The following IQCH variants were observed in gnomAD, a reference collection of about 807,000 sequenced individuals.
IQCH encodes the protein IQ motif containing H.
IQCH carries 98 observed loss-of-function variants against 117.0 expected under a neutral mutation model. The ratio of observed to expected loss-of-function variants is 0.84; its 90% CI spans 0.71 to 0.99. The LOEUF is 0.99. Among genes scored for constraint, IQCH ranks in the 50% least tolerant of loss-of-function variants. IQCH has a pLI of 0.00. For synonymous variants in IQCH, 412 were observed against 448.2 expected, an observed-to-expected ratio of 0.92 and a Z score of 1.02; for missense variants, 1,102 against 1,243.8, an observed-to-expected ratio of 0.89 and a Z score of 1.72.
chr15:67,260,704 T>C (rs1039359962), intron 1 of IQCH, among the ~76,000 whole-genome samples: 5 of 152,192 alleles, frequency 3.3e-5, no homozygotes, highest in Non-Finnish European at 5.9e-5. Flanking sequence ...TGCAGTGTTA[T>C]CTTAAATCTA....
rs147102002 is a variant in IQCH at position 67,498,341 on chromosome 15, C to T, written c.2971-2292C>T. ...AAAAATTAAGTTAAAATGGGCCGGG[C>T]GCGGTGGCTCACACCTGTAATCCCA... On this transcript the variant is annotated intron_variant, in intron 20 of 20. Transcript: ENST00000335894. Among the ~76,000 whole-genome samples, 1,475 of 152,170 alleles carry T rather than the reference C, an allele frequency of 9.7e-3. 12 individuals are homozygous for T. The highest frequency in any genetic ancestry group is 0.013 in the Admixed American group (195 of 15,284).
chr15:67,409,335 A>G (rs2081384258), intron 14 of IQCH, among the ~76,000 whole-genome samples: 2 of 152,208 alleles, frequency 1.3e-5, no homozygotes, highest in Non-Finnish European at 2.9e-5. Flanking sequence ...GCACAGGGTG[A>G]GCCTAGAAAG....
chr15:67,388,027 C>T lies in IQCH; in HGVS notation c.1457-804C>T, dbSNP rs1971163401. Among the ~76,000 whole-genome samples the T allele has an allele frequency of 6.6e-6, 1 of 152,190 alleles. No homozygotes were observed. Among genetic ancestry groups the T allele is most frequent in the African/African-American group, 2.4e-5 (1 of 41,458 alleles). ...AGCCAAGGGCTTTGCCCCTACAGATCAGTCAGCTATTTTGTGAATGAATGG... is the reference window on the plus strand; with the variant it reads ...AGCCAAGGGCTTTGCCCCTACAGATTAGTCAGCTATTTTGTGAATGAATGG... On this transcript the variant is annotated intron_variant, in intron 11 of 20. Transcript: ENST00000335894. This position sits in a 1 kb window ranked among gnomAD's most constrained non-coding sequence, Gnocchi z 5.5.
chr15:67,294,094 C>T (rs987428728), intron 4 of IQCH, among the ~76,000 whole-genome samples: 6 of 152,146 alleles, frequency 3.9e-5, no homozygotes, highest in African/African-American at 1.4e-4. Context: ...TTGATGTAAC[C>T]ATTAAGGGCA....
At chr15:67,486,645 A>G (rs1163588947) in intron 18 of IQCH, among the ~76,000 whole-genome samples, 1 of 152,268 alleles carries the variant, frequency 6.6e-6, no homozygotes, top group East Asian at 1.9e-4. Context: ...GGTCCCTAGA[A>G]TAGCACTGTC....
In IQCH at chr15:67,401,260, T is replaced by G. The variant is rs1362120986; in HGVS notation, c.2097+955T>G. Among the ~76,000 whole-genome samples, 1 of 152,124 alleles carries G rather than the reference T, an allele frequency of 6.6e-6. No individual in the cohort carries two copies. Among genetic ancestry groups the G allele is most frequent in the Non-Finnish European group, 1.5e-5 (1 of 68,028 alleles). ...ACAACCTTTTAGTCCCTTCCAAATTTGCTTAATTAAAGTAATTTTATATGG... is the reference window on the plus strand; with the variant it reads ...ACAACCTTTTAGTCCCTTCCAAATTGGCTTAATTAAAGTAATTTTATATGG... On this transcript the variant is annotated intron_variant, in intron 14 of 20. Coordinates refer to ENST00000335894, the MANE Select transcript of IQCH (RefSeq NM_001031715.3). The surrounding 1 kb of genome is among the most constrained non-coding windows in gnomAD (Gnocchi z 4.7).
chr15:67,367,989 G>A (rs931387979), intron 8 of IQCH, among the ~76,000 whole-genome samples: 1 of 152,156 alleles, frequency 6.6e-6, no homozygotes, highest in Non-Finnish European at 1.5e-5. Flanking sequence ...CTTCTCTATA[G>A]TAAAAACCAC....
intron 1 of IQCH, among the ~76,000 whole-genome samples, chr15:67,256,542 G>A (rs772199099): frequency 1.2e-4 from 18 of 152,164 alleles, no homozygotes; most frequent in Non-Finnish European, 1.8e-4. Context: ...CTTCTATCAG[G>A]CAGGACATCC....
Position 67,413,894 on chromosome 15 carries a change from C to T in IQCH, c.2098-3037C>T, listed in dbSNP as rs1053777911. Among the ~76,000 whole-genome samples the T allele has an allele frequency of 6.6e-6, 1 of 152,146 alleles. No individual in the cohort carries two copies. The highest frequency in any genetic ancestry group is 2.4e-5 in the African/African-American group (1 of 41,426). The stretch of plus-strand genomic sequence containing the variant: ...CTTTGTGCACAGTGAAAACTCCAAG[C>T]GTCAAAGCAGAATGGCTGGCTTTGT... On this transcript the variant is annotated intron_variant, in intron 14 of 20. Transcript: ENST00000335894. The surrounding 1 kb of genome is among the most constrained non-coding windows in gnomAD (Gnocchi z 5.0).
chr15:67,493,951 C>T lies in IQCH; in HGVS notation c.2862-307C>T, dbSNP rs987329787. ...GCGATAGTTTGCTGAGAATGATGGG[C>T]TTAAACCATTTTTAAAATGAACTCG... On this transcript the variant is annotated intron_variant, in intron 19 of 20. Coordinates refer to ENST00000335894, the MANE Select transcript of IQCH (RefSeq NM_001031715.3). This position sits in a 1 kb window ranked among gnomAD's most constrained non-coding sequence, Gnocchi z 5.1. 2.6e-5 allele frequency among the ~76,000 whole-genome samples: 4 copies of T among 152,146 alleles called. No homozygotes were observed. The highest frequency in any genetic ancestry group is 5.9e-5 in the Non-Finnish European group (4 of 68,038).
rs1266255893 is a variant in IQCH at position 67,491,926 on chromosome 15, A to C, written c.2861+1862A>C. On this transcript the variant is annotated intron_variant, in intron 19 of 20. Coordinates refer to ENST00000335894, the MANE Select transcript of IQCH (RefSeq NM_001031715.3). The surrounding 1 kb of genome is among the most constrained non-coding windows in gnomAD (Gnocchi z 4.9). ...TGCCACTCTAGAGGGGTGGGCATAC[A>C]GTAAACAAGTAAACAGGTAAACGTG... is the stretch of plus-strand genomic sequence containing the variant. Among the ~76,000 whole-genome samples the C allele has an allele frequency of 3.3e-5, 5 of 152,178 alleles. No individual in the cohort carries two copies. The highest frequency in any genetic ancestry group is 1.5e-5 in the Non-Finnish European group (1 of 68,032).
intron 4 of IQCH, among the ~76,000 whole-genome samples, chr15:67,328,482 G>C (rs1195207765): frequency 6.6e-6 from 1 of 152,070 alleles, no homozygotes; most frequent in Non-Finnish European, 1.5e-5. Flanking sequence ...AACAAGATAA[G>C]TAAAAAGAAA....
rs188720442 is a variant in IQCH at position 67,431,789 on chromosome 15, T to G, written c.2505+10212T>G. Among the ~76,000 whole-genome samples, 269 of 152,330 alleles carry G rather than the reference T, an allele frequency of 1.8e-3. 2 individuals carry two copies. The highest frequency in any genetic ancestry group is 2.8e-3 in the Non-Finnish European group (193 of 68,036). On this transcript the variant is annotated intron_variant, in intron 16 of 20. Coordinates refer to ENST00000335894, the MANE Select transcript of IQCH (RefSeq NM_001031715.3). The surrounding 1 kb of genome is among the most constrained non-coding windows in gnomAD (Gnocchi z 4.8). Reference sequence around the variant, plus strand: ...TTGTTTCTTGAGGAGCATGGTGATCTGGCTTTTACCAAATAAAAGCTTCAG... The same window carrying G: ...TTGTTTCTTGAGGAGCATGGTGATCGGGCTTTTACCAAATAAAAGCTTCAG...
chr15:67,439,683 T>G (rs1316589329), intron 16 of IQCH, among the ~76,000 whole-genome samples: 1 of 151,872 alleles, frequency 6.6e-6, no homozygotes, highest in African/African-American at 2.4e-5. Flanking sequence ...GTCAAGAGTT[T>G]GAGACCAGCG....
chr15:67,290,640 TATC>T (rs1180018530), intron 4 of IQCH, among the ~76,000 whole-genome samples: 4 of 151,780 alleles, frequency 2.6e-5, no homozygotes, highest in South Asian at 2.1e-4. Flanking sequence ...ATACAGCACA[TATC>T]ATACAAGGCT....
chr15:67,322,945 A>G lies in IQCH; in HGVS notation c.388-14030A>G, dbSNP rs148971027. 4.3e-4 allele frequency among the ~76,000 whole-genome samples: 65 copies of G among 152,318 alleles called. No individual in the cohort carries two copies. In the East Asian group the frequency reaches 0.011, roughly 27 times the overall value. On this transcript the variant is annotated intron_variant, in intron 4 of 20. Coordinates refer to ENST00000335894, the MANE Select transcript of IQCH (RefSeq NM_001031715.3). The stretch of plus-strand genomic sequence containing the variant: ...CACTCAAAGGTGGGCATGACAATGT[A>G]AAAAACCAATTAGGAAAGGGTAGGT...
chr15:67,348,051 T>TA (rs1161743027), intron 6 of IQCH, among the ~76,000 whole-genome samples: 3 of 151,336 alleles, frequency 2.0e-5, no homozygotes, highest in Admixed American at 1.3e-4. Context: ...CATCTCAATT[T>TA]AAAAAAAATC....
intron 13 of IQCH, among the ~76,000 whole-genome samples, chr15:67,399,352 T>C (rs1971568359): frequency 6.6e-6 from 1 of 152,192 alleles, no homozygotes; most frequent in South Asian, 2.1e-4. Flanking sequence ...AAGGCCTGTC[T>C]CCTACTGAGA....
In IQCH at chr15:67,344,437, C is replaced by T. The variant is rs550625321; in HGVS notation, c.637+246C>T. ...CTGGCGTACTTTTAACCTCCTTAAC[C>T]AACTCTGTCTTTCATTTGTACATTT... is the stretch of plus-strand genomic sequence containing the variant. On this transcript the variant is annotated intron_variant, in intron 6 of 20. Coordinates refer to ENST00000335894, the MANE Select transcript of IQCH (RefSeq NM_001031715.3). 8.2e-4 allele frequency among the ~76,000 whole-genome samples: 125 copies of T among 152,178 alleles called. 2 individuals are homozygous for T. The highest frequency in any genetic ancestry group is 2.4e-4 in the Non-Finnish European group (16 of 68,004).
Sources: allele counts gnomAD v4.1 joint callset (sites outside exome capture counted in the v4.1 genomes callset), GRCh38; gene constraint gnomAD v4.1.1; non-coding constraint Gnocchi (gnomAD v3.1); transcripts MANE v1.5; gene names NCBI Gene and HGNC (gene_info 2026-07-23, HGNC 2026-07-21).